DCPS: variants seen among roughly 807,000 people sequenced by gnomAD.
DCPS encodes the protein decapping enzyme, scavenger, also known as m7GpppX diphosphatase.
DCPS carries 27 observed loss-of-function variants against 34.7 expected under a neutral mutation model. The ratio of observed to expected loss-of-function variants is 0.78; its 90% CI spans 0.57 to 1.07. The LOEUF (loss-of-function observed/expected upper bound fraction) is 1.07. DCPS is among the 50% of genes least tolerant of loss of function. DCPS has a pLI of 0.00. For missense variants in DCPS, 464 were observed against 436.9 expected (o/e 1.06, Z -0.55); for synonymous variants, 185 against 185.7 (o/e 1.00, Z 0.03).
rs1591396336 is a variant in DCPS at position 126,348,645 on chromosome 11, C to G, written c.*3032C>G. 6.6e-6 allele frequency among the ~76,000 whole-genome samples: 1 copy of G among 152,324 alleles called. No homozygotes were observed. The highest frequency in any genetic ancestry group is 1.9e-4 in the East Asian group (1 of 5,180). On this transcript the variant is annotated 3_prime_UTR_variant, in exon 6 of 6. Coordinates refer to ENST00000263579, the MANE Select transcript of DCPS (RefSeq NM_014026.6). This position sits in a 1 kb window ranked among gnomAD's most constrained non-coding sequence, Gnocchi z 5.3. ...TAGGGTGACCTTCATATCAGACTCC[C>G]AGGTAACTCAAGATGATAGCTTTGC... is the stretch of plus-strand genomic sequence containing the variant.
intron 2 of DCPS, among the ~76,000 whole-genome samples, chr11:126,324,126 C>T (rs1247588749): frequency 2.0e-5 from 3 of 152,154 alleles, no homozygotes; most frequent in Non-Finnish European, 4.4e-5. Flanking sequence ...GCCACTGCAC[C>T]CAGCCCTAAA....
Position 126,344,785 on chromosome 11 carries a change from G to A in DCPS, c.748-562G>A, listed in dbSNP as rs1951904494. ...TGCTTTCCTCTTCTGCAAGGAGCCC[G>A]CTGAGACTTCGCCAGGTCTGTGTGG... On this transcript the variant is annotated intron_variant, in intron 5 of 5. Transcript: ENST00000263579. This position sits in a 1 kb window ranked among gnomAD's most constrained non-coding sequence, Gnocchi z 8.1. Among the ~76,000 whole-genome samples the A allele has an allele frequency of 1.3e-5, 2 of 152,172 alleles. No homozygotes were observed. The highest frequency in any genetic ancestry group is 2.1e-4 in the South Asian group (1 of 4,836).
chr11:126,340,648 C>T (rs1388863136), intron 4 of DCPS, among the ~76,000 whole-genome samples: 1 of 152,176 alleles, frequency 6.6e-6, no homozygotes, highest in Non-Finnish European at 1.5e-5. Context: ...CAGGGAAGGG[C>T]TGGGGATAGG....
At chr11:126,321,772 T>G (rs1472513014) in intron 2 of DCPS, among the ~76,000 whole-genome samples, 1 of 152,048 alleles carries the variant, frequency 6.6e-6, no homozygotes, top group Non-Finnish European at 1.5e-5. Flanking sequence ...CTCAGAGAAA[T>G]TATGCTGCTA....
rs1157649374 is a variant in DCPS at position 126,335,919 on chromosome 11, G to GA, written c.523-2361dup. Among the ~76,000 whole-genome samples the GA allele has an allele frequency of 3.3e-5, 5 of 151,248 alleles. No individual in the cohort carries two copies. The East Asian group carries it at 5.8e-4, about 18-fold the overall frequency. On this transcript the variant is annotated intron_variant, in intron 3 of 5. Transcript: ENST00000263579. The surrounding 1 kb of genome is among the most constrained non-coding windows in gnomAD (Gnocchi z 4.8). ...CAGCCAAGTGTGAAACTCCGTCTCA[G>GA]AAAAAACAAAAAACAAAAACCAACA...
At chr11:126,306,524 A>T in intron 1 of DCPS, 46 bp from the exon 2 acceptor site, 9 of 1,533,596 alleles carry the variant, frequency 5.9e-6, no homozygotes, top group Non-Finnish European at 7.1e-6. Context: ...CCAGAGTCTC[A>T]TCGTGGTTCT....
At chr11:126,321,876 G>A (rs1180551921) in intron 2 of DCPS, among the ~76,000 whole-genome samples, 1 of 152,114 alleles carries the variant, frequency 6.6e-6, no homozygotes, top group Non-Finnish European at 1.5e-5. Context: ...AAAAATAGAA[G>A]AGTAGAAGAT....
Position 126,312,129 on chromosome 11 carries a change from C to T in DCPS, c.376+5385C>T, listed in dbSNP as rs1951621980. Among the ~76,000 whole-genome samples, 1 of 151,886 alleles carries T rather than the reference C, an allele frequency of 6.6e-6. No homozygotes were observed. Among genetic ancestry groups the T allele is most frequent in the South Asian group, 2.1e-4 (1 of 4,808 alleles). On this transcript the variant is annotated intron_variant, in intron 2 of 5. Coordinates refer to ENST00000263579, the MANE Select transcript of DCPS (RefSeq NM_014026.6). The surrounding 1 kb of genome is among the most constrained non-coding windows in gnomAD (Gnocchi z 5.1). ...TGTTTTTAGTAGAGATGGGGTTTCACCACATTGGCCAGGCTAGTCTCGGAC... is the reference window on the plus strand; with the variant it reads ...TGTTTTTAGTAGAGATGGGGTTTCATCACATTGGCCAGGCTAGTCTCGGAC...
Position 126,338,457 on chromosome 11 carries a change from C to T in DCPS, c.636+58C>T. ...TGGCCACCCTGCTGTAAGTGCTGGT[C>T]CTTCTGACTGCCCTCTTTCTCACGC... On this transcript the variant is annotated intron_variant, in intron 4 of 5. Coordinates refer to ENST00000263579, the MANE Select transcript of DCPS (RefSeq NM_014026.6). The surrounding 1 kb of genome is among the most constrained non-coding windows in gnomAD (Gnocchi z 5.4). 1.4e-6 allele frequency: 2 copies of T among 1,474,384 alleles called. No individual in the cohort carries two copies. The highest frequency in any genetic ancestry group is 1.1e-5 in the South Asian group (1 of 88,048). 91.3% of individuals were successfully genotyped at this position (1,474,384 alleles called of 1,614,324 possible). A position where few individuals can be genotyped will look rare whatever the true frequency, so the allele number is the denominator to read the frequency against.
In DCPS at chr11:126,319,662, T is replaced by C. The variant is rs1791448001; in HGVS notation, c.377-11743T>C. On this transcript the variant is annotated intron_variant, in intron 2 of 5. Transcript: ENST00000263579. The surrounding 1 kb of genome is among the most constrained non-coding windows in gnomAD (Gnocchi z 4.5). ...CTGGTTTCGCTGACAGCTGTTTACG[T>C]GTCTCTAGGAAGAATTGGAACTAGT... Among the ~76,000 whole-genome samples the C allele has an allele frequency of 6.6e-6, 1 of 152,178 alleles. No homozygotes were observed. Among genetic ancestry groups the C allele is most frequent in the Admixed American group, 6.5e-5 (1 of 15,274 alleles).
rs1038719593 is a variant in DCPS at position 126,331,849 on chromosome 11, C to T, written c.522+299C>T. ...CAGAAGGCCTGGGGCGGGCAATTGC[C>T]ATTTTATATCGCATGGCGAGAGAAG... On this transcript the variant is annotated intron_variant, in intron 3 of 5. Transcript: ENST00000263579. This position sits in a 1 kb window ranked among gnomAD's most constrained non-coding sequence, Gnocchi z 7.2. 1.3e-5 allele frequency among the ~76,000 whole-genome samples: 2 copies of T among 152,110 alleles called. No homozygotes were observed. Among genetic ancestry groups the T allele is most frequent in the Non-Finnish European group, 1.5e-5 (1 of 68,036 alleles).
At chr11:126,316,501 C>T (rs1379818855) in intron 2 of DCPS, among the ~76,000 whole-genome samples, 1 of 152,048 alleles carries the variant, frequency 6.6e-6, no homozygotes, top group Non-Finnish European at 1.5e-5. Flanking sequence ...CTCTTTCCTG[C>T]TTCTCCAATC....
rs930468726 is a variant in DCPS, at chr11:126,347,225, T to C, written c.*1612T>C. 6.7e-5 allele frequency among the ~76,000 whole-genome samples: 3 copies of C among 44,526 alleles called. No homozygotes were observed. The highest frequency in any genetic ancestry group is 2.8e-4 in the African/African-American group (3 of 10,672). 29.2% of individuals were successfully genotyped at this position (44,526 alleles called of 152,430 possible). A position where few individuals can be genotyped will look rare whatever the true frequency, so the allele number is the denominator to read the frequency against. ...CTCAGCCATTCTTCCCTGCAGCTCT[T>C]TTTTTTTTTTTTTTTTTTGAGACAA... On this transcript the variant is annotated 3_prime_UTR_variant, in exon 6 of 6. Coordinates refer to ENST00000263579, the MANE Select transcript of DCPS (RefSeq NM_014026.6). This position sits in a 1 kb window ranked among gnomAD's most constrained non-coding sequence, Gnocchi z 4.2.
chr11:126,306,828 T>C (rs1951572816), intron 2 of DCPS, 84 bp downstream of exon 2: 3 of 1,467,354 alleles, frequency 2.0e-6, no homozygotes, highest in Non-Finnish European at 2.8e-6. Context: ...AGACTCTCTA[T>C]ACCCGATTTG....
At chr11:126,318,415 C>T (rs1177598003) in intron 2 of DCPS, among the ~76,000 whole-genome samples, 1 of 152,204 alleles carries the variant, frequency 6.6e-6, no homozygotes, top group Non-Finnish European at 1.5e-5. Context: ...CCAGCCTTCC[C>T]TCCACCCTCT....
rs182124682 is a variant in DCPS at position 126,322,254 on chromosome 11, T to C, written c.377-9151T>C. On this transcript the variant is annotated intron_variant, in intron 2 of 5. Transcript: ENST00000263579. The surrounding 1 kb of genome is among the most constrained non-coding windows in gnomAD (Gnocchi z 4.2). ...CTCCACAACAACAGCATTCAGATCT[T>C]CTTATTTTTATTTATTTTTATTTTT... 2.9e-4 allele frequency among the ~76,000 whole-genome samples: 43 copies of C among 150,478 alleles called. 2 individuals carry two copies. The East Asian group carries it at 8.3e-3, about 29-fold the overall frequency.
intron 2 of DCPS, among the ~76,000 whole-genome samples, chr11:126,317,973 G>A (rs624259): frequency 0.42 from 63,721 of 151,970 alleles, 14,798 homozygotes; most frequent in East Asian, 0.86. Flanking sequence ...CCACCCCAGG[G>A]CTGCATTTGG....
intron 1 of DCPS, among the ~76,000 whole-genome samples, chr11:126,305,931 C>T (rs1951561337): frequency 6.6e-6 from 1 of 152,156 alleles, no homozygotes; most frequent in African/African-American, 2.4e-5. Context: ...TTCATGTGAC[C>T]TTGGGCAAGT....
In DCPS at chr11:126,336,395, G is replaced by A. The variant is rs935348711; in HGVS notation, c.523-1891G>A. The A allele has an allele frequency of 2.0e-5, 3 of 152,206 alleles. No individual in the cohort carries two copies. Among genetic ancestry groups the A allele is most frequent in the African/African-American group, 4.8e-5 (2 of 41,426 alleles). 9.4% of individuals were successfully genotyped at this position (152,206 alleles called of 1,614,324 possible). On this transcript the variant is annotated intron_variant, in intron 3 of 5. Transcript: ENST00000263579. This position sits in a 1 kb window ranked among gnomAD's most constrained non-coding sequence, Gnocchi z 6.3. The stretch of plus-strand genomic sequence containing the variant: ...GGTCTCCCTTATACTGGCTGTGCTA[G>A]GTGCTTTCATGTGCGTGTTCTCTGA...
Sources: allele counts gnomAD v4.1 joint callset (sites outside exome capture counted in the v4.1 genomes callset), GRCh38; gene constraint gnomAD v4.1.1; non-coding constraint Gnocchi (gnomAD v3.1); transcripts MANE v1.5; gene names NCBI Gene and HGNC (gene_info 2026-07-23, HGNC 2026-07-21).